ZNF565: variants seen among roughly 807,000 people sequenced by gnomAD.
The protein encoded by ZNF565 is zinc finger protein 565.
Under a neutral mutation model 39.4 loss-of-function variants are expected in ZNF565, and 27 were observed. That is an observed-to-expected ratio of 0.69 (90% confidence interval 0.51 to 0.95). ZNF565 has a LOEUF of 0.95. Among genes scored for constraint, ZNF565 ranks in the 40% least tolerant of loss-of-function variants. ZNF565 has a pLI of 0.00. For missense variants in ZNF565, 524 were observed against 621.1 expected (o/e 0.84, Z 1.66); for synonymous variants, 185 against 216.6 (o/e 0.85, Z 1.28).
At chr19:36,241,698 A>G (rs1345848563) in intron 1 of ZNF565, among the ~76,000 whole-genome samples, 1 of 147,726 alleles carries the variant, frequency 6.8e-6, no homozygotes, top group Non-Finnish European at 1.5e-5. Context: ...AGGCTGAGCT[A>G]GGAGAATCGC....
chr19:36,185,746 T>C (rs1378896249), intron 4 of ZNF565, among the ~76,000 whole-genome samples: 4 of 147,288 alleles, frequency 2.7e-5, no homozygotes, highest in Admixed American at 7.0e-5. Context: ...AGACAGAGTC[T>C]TACTCTGTCC....
chr19:36,193,118 C>T (rs1236614144), intron 4 of ZNF565, among the ~76,000 whole-genome samples: 1 of 151,960 alleles, frequency 6.6e-6, no homozygotes, highest in Admixed American at 6.6e-5. Flanking sequence ...GCCTCAGCCT[C>T]CTGAGTAGCT....
chr19:36,207,443 G>A (rs1976195568), intron 1 of ZNF565, among the ~76,000 whole-genome samples: 1 of 152,022 alleles, frequency 6.6e-6, no homozygotes, highest in Non-Finnish European at 1.5e-5. Flanking sequence ...GGGAGGCTGA[G>A]GCATGAGAAT....
intron 4 of ZNF565, among the ~76,000 whole-genome samples, chr19:36,184,844 C>A (rs972314110): frequency 1.4e-4 from 21 of 152,094 alleles, no homozygotes; most frequent in Non-Finnish European, 1.5e-4. Context: ...AAAGGCCAGG[C>A]GAGGTGGCTT....
At chr19:36,186,568 A>G (rs957099232) in intron 4 of ZNF565, among the ~76,000 whole-genome samples, 1 of 151,894 alleles carries the variant, frequency 6.6e-6, no homozygotes, top group African/African-American at 2.4e-5. Context: ...CAGGTGGGTC[A>G]CTTGAGCTCA....
intron 1 of ZNF565, among the ~76,000 whole-genome samples, chr19:36,242,525 G>A (rs1055367426): frequency 1.3e-5 from 2 of 151,452 alleles, no homozygotes; most frequent in Admixed American, 1.3e-4. Flanking sequence ...TCAAGAGCTC[G>A]AGACCAGCCT....
chr19:36,208,933 A>G (rs1230491068), intron 1 of ZNF565, among the ~76,000 whole-genome samples: 1 of 152,110 alleles, frequency 6.6e-6, no homozygotes, highest in East Asian at 1.9e-4. Flanking sequence ...CCCAGACTCA[A>G]GAGATTCTCC....
At chr19:36,193,179 TAG>T (rs910962577) in intron 4 of ZNF565, among the ~76,000 whole-genome samples, 2 of 151,882 alleles carry the variant, frequency 1.3e-5, no homozygotes, top group African/African-American at 4.8e-5. Flanking sequence ...GTATTTTTAG[TAG>T]AGACAGGGTT....
At chr19:36,231,959 T>C (rs1725819875) in intron 1 of ZNF565, among the ~76,000 whole-genome samples, 1 of 151,730 alleles carries the variant, frequency 6.6e-6, no homozygotes, top group South Asian at 2.1e-4. Context: ...TCCCAACACT[T>C]TGGGAGGCCG....
chr19:36,183,359 C>T lies in ZNF565; in HGVS notation c.607G>A (p.Ala203Thr). 1 of 1,614,138 alleles carries T rather than the reference C, an allele frequency of 6.2e-7. No homozygotes were observed. Among genetic ancestry groups the T allele is most frequent in the Non-Finnish European group, 8.5e-7 (1 of 1,179,992 alleles). Reference sequence around the variant, plus strand: ...ACAAGGTGTGAGGCACGGCTGAAGGCCTTCCCACATTCCTTACATCCAAAG... The same window carrying T: ...ACAAGGTGTGAGGCACGGCTGAAGGTCTTCCCACATTCCTTACATCCAAAG... Reference protein sequence around the residue: ...KPFGCKECGKAFSRASHLVQH... With the variant: ...KPFGCKECGKTFSRASHLVQH... Residue 203 changes from alanine to threonine, a missense_variant, in exon 5 of 5, where the codon GCC becomes ACC. Transcript: ENST00000304116.
In ZNF565 at chr19:36,245,373, AG is replaced by A; in HGVS notation, c.55+102del. The A allele has an allele frequency of 1.4e-6, 1 of 691,408 alleles. No homozygotes were observed. Among genetic ancestry groups the A allele is most frequent in the Non-Finnish European group, 2.6e-6 (1 of 379,046 alleles). 42.8% of individuals were successfully genotyped at this position (691,408 alleles called of 1,614,324 possible). A position where few individuals can be genotyped will look rare whatever the true frequency, so the allele number is the denominator to read the frequency against. ...CTAGGGTCTGATCTGGCGGGCTCGAAGGGAGGACAGTCACTGCGACCCGGAA... is the reference window on the plus strand; with the variant it reads ...CTAGGGTCTGATCTGGCGGGCTCGAAGGAGGACAGTCACTGCGACCCGGAA... On this transcript the variant is annotated intron_variant, in intron 1 of 4. Transcript: ENST00000355114. This position sits in a 1 kb window ranked among gnomAD's most constrained non-coding sequence, Gnocchi z 4.4.
At chr19:36,197,086 C>T (rs1323607501) in intron 2 of ZNF565, among the ~76,000 whole-genome samples, 2 of 150,938 alleles carry the variant, frequency 1.3e-5, no homozygotes, top group Non-Finnish European at 3.0e-5. Flanking sequence ...GCCTGGTCAA[C>T]ATGGCAAAAC....
At chr19:36,185,716 A>AT (rs201279241) in intron 4 of ZNF565, among the ~76,000 whole-genome samples, 55,975 of 125,038 alleles carry the variant, frequency 0.45, 13,142 homozygotes, top group East Asian at 0.6. Flanking sequence ...CTCACTCTCT[A>AT]TTTTTTTTTT....
chr19:36,225,752 C>CTTTT (rs67760026), intron 1 of ZNF565, among the ~76,000 whole-genome samples: 7 of 66,724 alleles, frequency 1.0e-4, no homozygotes, highest in African/African-American at 3.0e-4. Context: ...CTTTGTGATT[C>CTTTT]TTTTTTTTTT....
chr19:36,203,951 CTT>C (rs200748754), intron 1 of ZNF565, among the ~76,000 whole-genome samples: 26 of 137,862 alleles, frequency 1.9e-4, no homozygotes, highest in Non-Finnish European at 2.2e-4. Context: ...AAAAGAAATA[CTT>C]TTTTTTTTTT....
At chr19:36,217,102 G>T (rs1406986402), upstream of ZNF565, among the ~76,000 whole-genome samples, 1 of 110,940 alleles carries the variant, frequency 9.0e-6, no homozygotes, top group Non-Finnish European at 1.7e-5. Flanking sequence ...TCTCTCTCTT[G>T]CCCAGTCTAG....
chr19:36,224,061 A>G (rs1976972348), intron 1 of ZNF565, among the ~76,000 whole-genome samples: 2 of 152,100 alleles, frequency 1.3e-5, no homozygotes, highest in Non-Finnish European at 2.9e-5. Flanking sequence ...CCAATTGGCT[A>G]CCACGTTCTT....
intron 4 of ZNF565, among the ~76,000 whole-genome samples, chr19:36,194,019 A>G (rs1975667801): frequency 6.6e-6 from 1 of 152,132 alleles, no homozygotes; most frequent in Non-Finnish European, 1.5e-5. Context: ...AGAAAGGAAA[A>G]TGTGAGAGAA....
At chr19:36,206,597 G>A (rs1348504999) in intron 1 of ZNF565, among the ~76,000 whole-genome samples, 1 of 152,088 alleles carries the variant, frequency 6.6e-6, no homozygotes, top group African/African-American at 2.4e-5. Flanking sequence ...TTGGGAGGGC[G>A]AGGCACGCGG....
Sources: gnomAD v4.1 joint callset for allele counts (sites outside exome capture counted in the v4.1 genomes callset) on GRCh38, gnomAD v4.1.1 for gene constraint, Gnocchi (gnomAD v3.1) non-coding constraint, MANE v1.5 for transcripts, NCBI Gene and HGNC (gene_info 2026-07-23, HGNC 2026-07-21) for gene names.